Variants in NELL2 observed in about 807,000 individuals in gnomAD.
NELL2 encodes the protein protein kinase C-binding protein NELL2.
In NELL2, 41 loss-of-function variants were observed where a neutral mutation model predicts 109.6. That is an observed-to-expected ratio of 0.37 (90% confidence interval 0.29 to 0.49). NELL2 has a LOEUF of 0.49. Ranked by LOEUF, NELL2 falls within the 20% of genes least tolerant of loss-of-function variation. The pLI, the probability that NELL2 is intolerant of heterozygous loss-of-function variation, is 0.98. For missense variants in NELL2, 900 were observed against 1,008.3 expected (o/e 0.89, Z 1.45); for synonymous variants, 355 against 344.7 (o/e 1.03, Z -0.33).
At chr12:44,904,849 G>A (rs1000951984) in intron 1 of NELL2, among the ~76,000 whole-genome samples, 4 of 151,864 alleles carry the variant, frequency 2.6e-5, no homozygotes, top group Non-Finnish European at 5.9e-5. Flanking sequence ...ATAGCTTAAG[G>A]GAATGAGATA....
intron 2 of NELL2, among the ~76,000 whole-genome samples, chr12:44,872,493 T>C (rs905363685): frequency 2.0e-5 from 3 of 152,170 alleles, no homozygotes; most frequent in Admixed American, 6.5e-5. Context: ...TAGATAATAA[T>C]AAATTTACGA....
chr12:44,861,462 C>A (rs1028805974), intron 2 of NELL2, among the ~76,000 whole-genome samples: 4 of 152,120 alleles, frequency 2.6e-5, no homozygotes, highest in African/African-American at 9.7e-5. Context: ...CCAGTAGCCT[C>A]AGGCTCTGAA....
At chr12:44,536,159 A>G (rs929621136) in intron 15 of NELL2, among the ~76,000 whole-genome samples, 1 of 151,992 alleles carries the variant, frequency 6.6e-6, no homozygotes, top group African/African-American at 2.4e-5. Context: ...TCATGACTCT[A>G]ATTAAAGCCA....
chr12:44,876,297 T>C lies in NELL2; in HGVS notation c.-428A>G, dbSNP rs1047105692. 1 of 1,157,140 alleles carries C rather than the reference T, an allele frequency of 8.6e-7. No homozygotes were observed. Among genetic ancestry groups the C allele is most frequent in the Non-Finnish European group, 1.1e-6 (1 of 937,178 alleles). The allele number at this position is 1,157,140 out of a possible 1,614,324, so 71.7% of individuals were successfully genotyped here. On this transcript the variant is annotated 5_prime_UTR_variant, in exon 1 of 20. Coordinates refer to ENST00000429094, the MANE Select transcript of NELL2 (RefSeq NM_001145108.2). ...CCGTCTTCCCCGCCGCCCGAACCTGTTGTAAAGGCAGAGACAATGGAGAAA... is the reference window on the plus strand; with the variant it reads ...CCGTCTTCCCCGCCGCCCGAACCTGCTGTAAAGGCAGAGACAATGGAGAAA...
chr12:44,619,898 T>C (rs996195720), intron 13 of NELL2, among the ~76,000 whole-genome samples: 2 of 152,084 alleles, frequency 1.3e-5, no homozygotes, highest in African/African-American at 4.8e-5. Context: ...CTGTCTTGAA[T>C]AGAAGGTCTA....
intron 3 of NELL2, among the ~76,000 whole-genome samples, chr12:44,803,437 T>C (rs1207072004): frequency 6.6e-6 from 1 of 151,928 alleles, no homozygotes; most frequent in Admixed American, 6.6e-5. Flanking sequence ...TACACTAGAG[T>C]ATTTAAAGGT....
At chr12:44,684,849 G>A (rs899944736) in intron 12 of NELL2, among the ~76,000 whole-genome samples, 3 of 152,206 alleles carry the variant, frequency 2.0e-5, no homozygotes, top group South Asian at 2.1e-4. Context: ...TATGTGGTCA[G>A]TTTTGGGATA....
chr12:44,758,316 G>A (rs1425572209), intron 9 of NELL2, among the ~76,000 whole-genome samples: 1 of 152,180 alleles, frequency 6.6e-6, no homozygotes, highest in Non-Finnish European at 1.5e-5. Context: ...TTTCTATTCT[G>A]TTCAGGATGG....
At chr12:44,515,355 G>T (rs1762818889) in intron 19 of NELL2, among the ~76,000 whole-genome samples, 1 of 152,036 alleles carries the variant, frequency 6.6e-6, no homozygotes, top group East Asian at 1.9e-4. Context: ...CCTTGCTAGA[G>T]ATAAGGAGGG....
chr12:44,521,912 A>T, intron 18 of NELL2, 88 bp downstream of exon 18: 2 of 1,295,906 alleles, frequency 1.5e-6, no homozygotes, highest in Non-Finnish European at 2.2e-6. Context: ...GCCTGGTGCT[A>T]GGTATTGGCA....
At position 44,549,439 on chromosome 12, in the gene NELL2, G is replaced by A. The variant is rs886446579; in HGVS notation, c.1664-16718C>T. Among the ~76,000 whole-genome samples, 7 of 152,268 alleles carry A rather than the reference G, an allele frequency of 4.6e-5. No individual in the cohort carries two copies. In the East Asian group the frequency reaches 1.4e-3, roughly 29 times the overall value. On this transcript the variant is annotated intron_variant, in intron 15 of 19. Coordinates refer to ENST00000429094, the MANE Select transcript of NELL2 (RefSeq NM_001145108.2). ...GAGACTCTAAAATGTCTGCCAACCA[G>A]AAACACTTAACTTTGGGCAGTTACA... is the stretch of plus-strand genomic sequence containing the variant.
At chr12:44,904,836 T>A (rs754303082) in intron 1 of NELL2, among the ~76,000 whole-genome samples, 61 of 152,236 alleles carry the variant, frequency 4.0e-4, no homozygotes, top group Admixed American at 8.5e-4. Context: ...CAGTTGAAGA[T>A]AAATAGCTTA....
Position 44,831,864 on chromosome 12 carries a change from G to A in NELL2, c.185-15728C>T, listed in dbSNP as rs548643220. On this transcript the variant is annotated intron_variant, in intron 2 of 19. Transcript: ENST00000429094. ...GGAACCACCTGCCTGCCTCTAGATT[G>A]TTATATAAAAAAGAAATAATCTTCT... is the stretch of plus-strand genomic sequence containing the variant. 6.6e-5 allele frequency among the ~76,000 whole-genome samples: 10 copies of A among 152,204 alleles called. No individual in the cohort carries two copies. The South Asian group carries it at 1.9e-3, about 28-fold the overall frequency.
chr12:44,524,230 A>G (rs573352271), intron 16 of NELL2, among the ~76,000 whole-genome samples: 57 of 152,332 alleles, frequency 3.7e-4, no homozygotes, highest in African/African-American at 1.3e-3. Flanking sequence ...TGGCCATCAC[A>G]GCCTAAAGCG....
intron 16 of NELL2, among the ~76,000 whole-genome samples, chr12:44,532,301 T>C (rs1450307612): frequency 6.6e-6 from 1 of 152,184 alleles, no homozygotes; most frequent in African/African-American, 2.4e-5. Flanking sequence ...TTAAAAAATT[T>C]ATGTGATACT....
intron 3 of NELL2, among the ~76,000 whole-genome samples, chr12:44,799,900 A>G (rs896635913): frequency 6.6e-6 from 1 of 152,206 alleles, no homozygotes; most frequent in Admixed American, 6.6e-5. Context: ...ACTTATCTAC[A>G]GAGAGGAAGT....
intron 3 of NELL2, among the ~76,000 whole-genome samples, chr12:44,787,023 C>A (rs1366102534): frequency 2.6e-5 from 4 of 151,832 alleles, no homozygotes; most frequent in African/African-American, 9.7e-5. Flanking sequence ...GCATATGTAT[C>A]CCAGAATTTA....
chr12:44,574,687 A>G (rs1437828578), intron 15 of NELL2, among the ~76,000 whole-genome samples: 1 of 152,196 alleles, frequency 6.6e-6, no homozygotes, highest in East Asian at 1.9e-4. Flanking sequence ...GTAAATCAAC[A>G]TGAAGCAAAA....
Position 44,876,220 on chromosome 12 carries a change from T to C in NELL2, c.-351A>G, listed in dbSNP as rs1021293166. 21 of 1,164,956 alleles carry C rather than the reference T, an allele frequency of 1.8e-5. No homozygotes were observed. Among genetic ancestry groups the C allele is most frequent in the Non-Finnish European group, 2.2e-5 (21 of 942,328 alleles). The allele number at this position is 1,164,956 out of a possible 1,614,324, so 72.2% of individuals were successfully genotyped here. A position where few individuals can be genotyped will look rare whatever the true frequency, so the allele number is the denominator to read the frequency against. On this transcript the variant is annotated 5_prime_UTR_variant, in exon 1 of 20. Transcript: ENST00000429094. ...AGCAGCCAAAGACTCGCACACCCGG[T>C]AGAAGGGGGGCGGCCCCAAGAAAGC...
Sources: allele counts gnomAD v4.1 joint callset (sites outside exome capture counted in the v4.1 genomes callset), GRCh38; gene constraint gnomAD v4.1.1; transcripts MANE v1.5; gene names NCBI Gene and HGNC (gene_info 2026-07-23, HGNC 2026-07-21).